Variants in NKAIN2 observed in about 807,000 individuals in gnomAD.
NKAIN2 encodes the protein sodium/potassium-transporting ATPase subunit beta-1-interacting protein 2.
NKAIN2 carries 14 observed loss-of-function variants against 32.6 expected under a neutral mutation model. That is an observed-to-expected ratio of 0.43 (90% CI 0.28 to 0.67). The LOEUF (loss-of-function observed/expected upper bound fraction) is 0.67, where lower values mean the gene tolerates loss of function less well. NKAIN2 is among the 30% of genes least tolerant of loss of function. The probability of loss-of-function intolerance (pLI) is 0.17; values close to 1 mark genes in which losing one functional copy is unlikely to be tolerated. For synonymous variants in NKAIN2, 80 were observed against 87.2 expected (o/e 0.92, Z 0.46); for missense variants, 198 against 258.3 (o/e 0.77, Z 1.60).
chr6:124,458,050 T>C (rs191544815), intron 3 of NKAIN2, among the ~76,000 whole-genome samples: 100 of 152,134 alleles, frequency 6.6e-4, no homozygotes, highest in African/African-American at 2.3e-3. Context: ...GCCTCTAAAC[T>C]GAAACATAAG....
intron 3 of NKAIN2, among the ~76,000 whole-genome samples, chr6:124,652,675 G>A (rs1334848799): frequency 3.3e-5 from 5 of 152,096 alleles, no homozygotes; most frequent in Non-Finnish European, 5.9e-5. Context: ...AGTCCTTCTT[G>A]TTGTGTTATA....
In NKAIN2 at chr6:124,658,266, G is replaced by A. The variant is rs142736368; in HGVS notation, c.354G>A (p.Thr118=). 1.4e-4 allele frequency: 224 copies of A among 1,614,036 alleles called. 1 individual carries two copies. The African/African-American group carries it at 1.7e-3, about 12-fold the overall frequency. Residue 118 remains threonine, a synonymous_variant, in exon 4 of 7, where the codon ACG becomes ACA. Transcript: ENST00000368417. The stretch of plus-strand genomic sequence containing the variant: ...AGAATGGACCAGGATGTACGGTGAC[G>A]TCAGTGACACCTGCCCCAGACTGGG... ...WMENGPGCTV[T]SVTPAPDWAP... is the part of the protein sequence containing the mutation.
At chr6:124,028,689 A>G (rs1232175880) in intron 1 of NKAIN2, among the ~76,000 whole-genome samples, 1 of 150,318 alleles carries the variant, frequency 6.7e-6, no homozygotes, top group East Asian at 2.0e-4. Flanking sequence ...AAGTTTGTTT[A>G]TATACATGTA....
At chr6:123,950,078 T>C (rs1220449433) in intron 1 of NKAIN2, among the ~76,000 whole-genome samples, 2 of 152,058 alleles carry the variant, frequency 1.3e-5, no homozygotes, top group Non-Finnish European at 2.9e-5. Context: ...CCTGTTGATG[T>C]GATGCATCAT....
At chr6:124,625,425 C>A (rs1337941312) in intron 3 of NKAIN2, among the ~76,000 whole-genome samples, 1 of 152,074 alleles carries the variant, frequency 6.6e-6, no homozygotes, top group Admixed American at 6.6e-5. Flanking sequence ...CTGACCAGGG[C>A]AGGACAATGC....
chr6:124,579,062 C>T (rs1781433765), intron 3 of NKAIN2, among the ~76,000 whole-genome samples: 1 of 152,172 alleles, frequency 6.6e-6, no homozygotes, highest in African/African-American at 2.4e-5. Flanking sequence ...GCAAATATGG[C>T]TGCAGTGATC....
chr6:124,296,459 G>GC (rs1796060317), intron 2 of NKAIN2, among the ~76,000 whole-genome samples: 1 of 151,924 alleles, frequency 6.6e-6, no homozygotes, highest in Admixed American at 6.6e-5. Context: ...AAATGTCCAA[G>GC]CAGAAATCAT....
chr6:124,675,812 T>C (rs567554596), intron 4 of NKAIN2, among the ~76,000 whole-genome samples: 279 of 152,068 alleles, frequency 1.8e-3, no homozygotes, highest in Middle Eastern at 3.4e-3. Context: ...TTTTTTAATA[T>C]TTTTTTCCAT....
intron 1 of NKAIN2, among the ~76,000 whole-genome samples, chr6:124,183,708 G>T (rs1789566789): frequency 6.6e-6 from 1 of 151,994 alleles, no homozygotes; most frequent in Non-Finnish European, 1.5e-5. Flanking sequence ...GAAATGCTGG[G>T]TTTCATCTAG....
chr6:124,083,531 C>A (rs1423448746), intron 1 of NKAIN2, among the ~76,000 whole-genome samples: 4 of 151,778 alleles, frequency 2.6e-5, no homozygotes, highest in Non-Finnish European at 5.9e-5. Context: ...TTATATTTAG[C>A]AATGGCTGTT....
At chr6:124,597,180 G>A (rs1441522095) in intron 3 of NKAIN2, among the ~76,000 whole-genome samples, 1 of 152,024 alleles carries the variant, frequency 6.6e-6, no homozygotes, top group Non-Finnish European at 1.5e-5. Context: ...GCACTTCATG[G>A]CCAGTCAAGT....
At chr6:124,128,048 C>T (rs2115000604) in intron 1 of NKAIN2, among the ~76,000 whole-genome samples, 1 of 152,178 alleles carries the variant, frequency 6.6e-6, no homozygotes, top group Admixed American at 6.5e-5. Flanking sequence ...AGGCTGGTCT[C>T]AAACTCCTGA....
chr6:124,567,795 CT>C (rs1010375220), intron 3 of NKAIN2, among the ~76,000 whole-genome samples: 4 of 151,974 alleles, frequency 2.6e-5, no homozygotes, highest in African/African-American at 4.8e-5. Context: ...ATATACTTCT[CT>C]TTTTTTTAAT....
At chr6:124,295,142 A>G (rs1388031553) in intron 2 of NKAIN2, among the ~76,000 whole-genome samples, 17 of 152,128 alleles carry the variant, frequency 1.1e-4, no homozygotes. Flanking sequence ...TTGAAAGGTT[A>G]GTGTTTGATG....
At chr6:123,935,423 TTACAA>T (rs1173494700) in intron 1 of NKAIN2, among the ~76,000 whole-genome samples, 2 of 151,674 alleles carry the variant, frequency 1.3e-5, no homozygotes, top group Admixed American at 6.6e-5. Context: ...TGTGATATTC[TTACAA>T]TACATTAATT....
chr6:124,518,936 A>AT (rs1398194170), intron 3 of NKAIN2, among the ~76,000 whole-genome samples: 1 of 152,212 alleles, frequency 6.6e-6, no homozygotes, highest in African/African-American at 2.4e-5. Context: ...ATAGAGCACC[A>AT]TTCACTCCAC....
At chr6:124,346,682 G>T (rs1798440055) in intron 2 of NKAIN2, among the ~76,000 whole-genome samples, 1 of 151,222 alleles carries the variant, frequency 6.6e-6, no homozygotes, top group African/African-American at 2.4e-5. Context: ...TTTTCCATTT[G>T]CTTGGTAGAT....
intron 4 of NKAIN2, among the ~76,000 whole-genome samples, chr6:124,663,863 T>C (rs980734723): frequency 6.6e-6 from 1 of 152,230 alleles, no homozygotes; most frequent in Non-Finnish European, 1.5e-5. Context: ...TTGCTGCCGT[T>C]GAGTGTCATC....
At chr6:124,473,009 T>C (rs1004643249) in intron 3 of NKAIN2, among the ~76,000 whole-genome samples, 4 of 152,156 alleles carry the variant, frequency 2.6e-5, no homozygotes, top group African/African-American at 4.8e-5. Context: ...CACCAGTGAT[T>C]ATACATCCAA....
Sources: gnomAD v4.1 joint callset for allele counts (sites outside exome capture counted in the v4.1 genomes callset) on GRCh38, gnomAD v4.1.1 for gene constraint, MANE v1.5 for transcripts, NCBI Gene and HGNC (gene_info 2026-07-23, HGNC 2026-07-21) for gene names.